Variants in ASIC2 observed in about 807,000 individuals in gnomAD.
ASIC2 encodes acid sensing ion channel subunit 2.
Under a neutral mutation model 57.3 loss-of-function variants are expected in ASIC2, and 25 were observed. The observed-to-expected ratio is 0.44, with a 90% CI of 0.32 to 0.61. ASIC2 has a LOEUF of 0.61. Ranked by LOEUF, ASIC2 falls within the 20% of genes least tolerant of loss-of-function variation. The pLI is 0.06. For synonymous variants in ASIC2, 319 were observed against 307.5 expected (o/e 1.04, Z -0.39); for missense variants, 641 against 738.1 (o/e 0.87, Z 1.52).
intron 1 of ASIC2, among the ~76,000 whole-genome samples, chr17:34,130,963 G>C (rs2142127797): frequency 6.6e-6 from 1 of 152,194 alleles, no homozygotes; most frequent in East Asian, 1.9e-4. Context: ...AGTAGGGAGA[G>C]ATCGAGAAAG....
intron 3 of ASIC2, among the ~76,000 whole-genome samples, chr17:33,034,987 G>A (rs1365078759): frequency 6.6e-6 from 1 of 152,176 alleles, no homozygotes; most frequent in Non-Finnish European, 1.5e-5. Context: ...CTGTTCACAA[G>A]TCATTGGCGT....
chr17:33,953,036 T>G (rs563608273), intron 1 of ASIC2, among the ~76,000 whole-genome samples: 1 of 152,340 alleles, frequency 6.6e-6, no homozygotes, highest in Admixed American at 6.5e-5. Context: ...TATTTTATAA[T>G]GGGTTAAACA....
chr17:33,806,033 C>T (rs554488930), intron 1 of ASIC2, among the ~76,000 whole-genome samples: 32 of 152,330 alleles, frequency 2.1e-4, no homozygotes, highest in African/African-American at 7.7e-4. Flanking sequence ...AAATGCACAG[C>T]CCTTCTCACT....
intron 1 of ASIC2, among the ~76,000 whole-genome samples, chr17:33,782,863 C>T (rs1031212977): frequency 1.3e-5 from 2 of 152,206 alleles, no homozygotes; most frequent in African/African-American, 4.8e-5. Flanking sequence ...GGCCAGCCCC[C>T]CTGACCTTAT....
At chr17:33,083,229 C>T (rs1855002281) in intron 3 of ASIC2, among the ~76,000 whole-genome samples, 1 of 152,194 alleles carries the variant, frequency 6.6e-6, no homozygotes, top group Non-Finnish European at 1.5e-5. Flanking sequence ...ATCCAAAAGA[C>T]ACAATCCTTG....
At chr17:33,888,562 GA>G (rs1914885315) in intron 1 of ASIC2, among the ~76,000 whole-genome samples, 2 of 152,136 alleles carry the variant, frequency 1.3e-5, no homozygotes, top group Admixed American at 1.3e-4. Flanking sequence ...GTGAAGACCA[GA>G]AGGGGAGAGC....
chr17:33,081,405 T>C (rs1598266827), intron 3 of ASIC2, among the ~76,000 whole-genome samples: 1 of 152,336 alleles, frequency 6.6e-6, no homozygotes, highest in East Asian at 1.9e-4. Flanking sequence ...ACCCTGTTGA[T>C]GGTGAAGGCA....
chr17:33,853,415 C>T (rs1302223685), intron 1 of ASIC2, among the ~76,000 whole-genome samples: 3 of 152,280 alleles, frequency 2.0e-5, no homozygotes, highest in South Asian at 2.1e-4. Flanking sequence ...TGATTCATTT[C>T]GGTTTGGCTT....
intron 1 of ASIC2, among the ~76,000 whole-genome samples, chr17:33,806,167 T>C (rs1479332084): frequency 6.6e-6 from 1 of 152,130 alleles, no homozygotes; most frequent in Non-Finnish European, 1.5e-5. Flanking sequence ...TTTCTGTAAA[T>C]AATTAAGCGG....
chr17:33,903,102 G>A (rs1915266062), intron 1 of ASIC2, among the ~76,000 whole-genome samples: 1 of 152,032 alleles, frequency 6.6e-6, no homozygotes, highest in Non-Finnish European at 1.5e-5. Flanking sequence ...TTTCTCCTCA[G>A]CACCATAAAC....
chr17:34,044,268 G>A lies in ASIC2; in HGVS notation c.555+111710C>T, dbSNP rs181584244. On this transcript the variant is annotated intron_variant, in intron 1 of 9. Transcript: ENST00000359872. ...TGTCCCTGGTGAAAAATTGCTTAGCGTAATTATATCCCCAGAGAATGCAGG... is the reference window on the plus strand; with the variant it reads ...TGTCCCTGGTGAAAAATTGCTTAGCATAATTATATCCCCAGAGAATGCAGG... 5.3e-5 allele frequency among the ~76,000 whole-genome samples: 8 copies of A among 152,190 alleles called. No individual in the cohort carries two copies. In the South Asian group the frequency reaches 8.3e-4, roughly 16 times the overall value.
chr17:33,683,356 G>A (rs755957472), intron 1 of ASIC2, among the ~76,000 whole-genome samples: 1 of 152,150 alleles, frequency 6.6e-6, no homozygotes, highest in Non-Finnish European at 1.5e-5. Flanking sequence ...GTGAGCCACC[G>A]CACCTTGCCT....
chr17:33,518,802 C>T (rs554573400), intron 1 of ASIC2, among the ~76,000 whole-genome samples: 18 of 152,130 alleles, frequency 1.2e-4, no homozygotes, highest in Non-Finnish European at 2.4e-4. Context: ...TTTAATCCCA[C>T]AGTGGCCCTG....
chr17:33,968,922 G>A (rs951590286), intron 1 of ASIC2, among the ~76,000 whole-genome samples: 5 of 152,212 alleles, frequency 3.3e-5, no homozygotes, highest in African/African-American at 1.2e-4. Flanking sequence ...GTGAAGGGTG[G>A]TCAGCCTTTA....
intron 1 of ASIC2, among the ~76,000 whole-genome samples, chr17:33,319,730 C>T (rs1019270568): frequency 6.6e-6 from 1 of 152,148 alleles, no homozygotes; most frequent in Non-Finnish European, 1.5e-5. Context: ...GATGGGGTTT[C>T]ACCATGTTGC....
At chr17:33,383,032 C>A (rs1404479735) in intron 1 of ASIC2, among the ~76,000 whole-genome samples, 1 of 151,722 alleles carries the variant, frequency 6.6e-6, no homozygotes, top group Non-Finnish European at 1.5e-5. Context: ...ATATAAAAAA[C>A]AAACAAACAA....
rs200465676 is a variant in ASIC2 at position 33,411,382 on chromosome 17, T to C, written c.556-299315A>G. Reference sequence around the variant, plus strand: ...TTGTGAACCCCCAAATGAATATCATTGCAACTCAGGCCAGATTTCCAGAAC... The same window carrying C: ...TTGTGAACCCCCAAATGAATATCATCGCAACTCAGGCCAGATTTCCAGAAC... On this transcript the variant is annotated intron_variant, in intron 1 of 9. Coordinates refer to the ASIC2 transcript ENST00000359872. Among the ~76,000 whole-genome samples, 16 of 152,336 alleles carry C rather than the reference T, an allele frequency of 1.1e-4. No individual in the cohort carries two copies. In the East Asian group the frequency reaches 3.1e-3, roughly 29 times the overall value.
chr17:33,080,784 G>A (rs148884632), intron 3 of ASIC2, among the ~76,000 whole-genome samples: 89 of 152,272 alleles, frequency 5.8e-4, no homozygotes, highest in Non-Finnish European at 8.8e-4. Flanking sequence ...ACCAGCAGGC[G>A]GGCAGTGTAT....
In ASIC2 at chr17:33,613,467, C is replaced by T. The variant is rs1046411934; in HGVS notation, c.556-501400G>A. Among the ~76,000 whole-genome samples the T allele has an allele frequency of 4.6e-5, 7 of 151,592 alleles. No individual in the cohort carries two copies. In the South Asian group the frequency reaches 8.4e-4, roughly 18 times the overall value. On this transcript the variant is annotated intron_variant, in intron 1 of 9. Coordinates refer to the ASIC2 transcript ENST00000359872. ...GCAAGCTCCGCCTTCCGGATTCACA[C>T]CATTCTCCTGCCTCAGCCTCACGAG...
Sources: allele counts gnomAD v4.1 joint callset (sites outside exome capture counted in the v4.1 genomes callset), GRCh38; gene constraint gnomAD v4.1.1; transcripts MANE v1.5; gene names NCBI Gene and HGNC (gene_info 2026-07-23, HGNC 2026-07-21).